IGF1R: variants seen among roughly 807,000 people sequenced by gnomAD.
The protein encoded by IGF1R is insulin-like growth factor 1 receptor.
In IGF1R, 44 loss-of-function variants were observed where a neutral mutation model predicts 144.6. The ratio of observed to expected loss-of-function variants is 0.30; its 90% CI spans 0.24 to 0.39. The LOEUF (loss-of-function observed/expected upper bound fraction) is 0.39, where lower values mean the gene tolerates loss of function less well. Ranked by LOEUF, IGF1R falls within the 10% of genes least tolerant of loss-of-function variation. The probability of loss-of-function intolerance (pLI) is 1.00; values close to 1 mark genes in which losing one functional copy is unlikely to be tolerated. For missense variants in IGF1R, 1,355 were observed against 1,833.7 expected, an observed-to-expected ratio of 0.74 and a Z score of 4.77; for synonymous variants, 795 against 722.8, an observed-to-expected ratio of 1.10 and a Z score of -1.60.
At chr15:98,739,218 C>T (rs1033281456) in intron 2 of IGF1R, among the ~76,000 whole-genome samples, 7 of 152,164 alleles carry the variant, frequency 4.6e-5, no homozygotes, top group Non-Finnish European at 8.8e-5. Flanking sequence ...GTGGTGGTGG[C>T]TGATCCTGAC....
intron 2 of IGF1R, among the ~76,000 whole-genome samples, chr15:98,798,548 G>T (rs149676864): frequency 0.015 from 2,308 of 152,300 alleles, 23 homozygotes; most frequent in Non-Finnish European, 0.023. Context: ...TGTTGCCCCA[G>T]TGTAGGGCAG....
chr15:98,799,364 GT>G (rs1422986398), intron 2 of IGF1R, among the ~76,000 whole-genome samples: 7 of 18,594 alleles, frequency 3.8e-4, no homozygotes, highest in African/African-American at 7.2e-4. Flanking sequence ...GCTGCAGTAA[GT>G]TTAAAAAAAA....
At chr15:98,655,636 A>G (rs890339632) in intron 1 of IGF1R, among the ~76,000 whole-genome samples, 3 of 150,586 alleles carry the variant, frequency 2.0e-5, no homozygotes, top group Non-Finnish European at 2.9e-5. Flanking sequence ...TGTTACTGCC[A>G]TGTTTATTAA....
intron 3 of IGF1R, chr15:98,893,414 A>G (rs940789204): frequency 1.3e-5 from 2 of 152,248 alleles, no homozygotes; most frequent in African/African-American, 2.4e-5. Context: ...GACTTCAATG[A>G]GCTGTAGAGG....
chr15:98,682,602 C>T (rs1321355226), intron 1 of IGF1R, among the ~76,000 whole-genome samples: 1 of 152,018 alleles, frequency 6.6e-6, no homozygotes, highest in East Asian at 1.9e-4. Flanking sequence ...GGCTGGAGTG[C>T]AGTGGCCTGA....
chr15:98,897,669 T>C (rs2014269489), intron 4 of IGF1R, among the ~76,000 whole-genome samples: 1 of 152,218 alleles, frequency 6.6e-6, no homozygotes, highest in Non-Finnish European at 1.5e-5. Context: ...CTGGAACTCC[T>C]AGTCTCAAAC....
intron 2 of IGF1R, among the ~76,000 whole-genome samples, chr15:98,727,732 G>C (rs1017032270): frequency 2.4e-4 from 37 of 152,286 alleles, no homozygotes; most frequent in African/African-American, 8.7e-4. Flanking sequence ...CTCTCGGCCT[G>C]CTTGTCCTCC....
intron 1 of IGF1R, among the ~76,000 whole-genome samples, chr15:98,684,392 G>A (rs2053269943): frequency 1.4e-5 from 2 of 144,134 alleles, no homozygotes; most frequent in Non-Finnish European, 3.0e-5. Flanking sequence ...TTTGTTTTAT[G>A]CTTGCTAATG....
intron 2 of IGF1R, among the ~76,000 whole-genome samples, chr15:98,853,396 G>A (rs2011623780): frequency 6.6e-6 from 1 of 152,298 alleles, no homozygotes; most frequent in Non-Finnish European, 1.5e-5. Context: ...GTGGCCCGGA[G>A]CAGCTCCAGT....
At chr15:98,899,997 C>A (rs774582856) in intron 5 of IGF1R, among the ~76,000 whole-genome samples, 5 of 152,162 alleles carry the variant, frequency 3.3e-5, no homozygotes, top group Non-Finnish European at 7.3e-5. Context: ...CCCTCATCTG[C>A]CTCAGGATGC....
At chr15:98,717,847 G>A (rs2054156418) in intron 2 of IGF1R, among the ~76,000 whole-genome samples, 1 of 152,154 alleles carries the variant, frequency 6.6e-6, no homozygotes, top group African/African-American at 2.4e-5. Context: ...ACAAAGATGT[G>A]CATTTTTATG....
At chr15:98,664,966 T>C (rs1401614756) in intron 1 of IGF1R, among the ~76,000 whole-genome samples, 1 of 151,032 alleles carries the variant, frequency 6.6e-6, no homozygotes, top group African/African-American at 2.4e-5. Context: ...TTCATTTTTT[T>C]TTTTTTTTTT....
intron 2 of IGF1R, among the ~76,000 whole-genome samples, chr15:98,727,663 A>C (rs899456541): frequency 6.6e-6 from 1 of 152,110 alleles, no homozygotes; most frequent in Non-Finnish European, 1.5e-5. Context: ...CATTATACCC[A>C]GGGGCTGGAG....
At chr15:98,769,221 A>T (rs1273286377) in intron 2 of IGF1R, among the ~76,000 whole-genome samples, 1 of 152,284 alleles carries the variant, frequency 6.6e-6, no homozygotes, top group East Asian at 1.9e-4. Flanking sequence ...ACATTTCTGT[A>T]CCTTTGTGGT....
intron 5 of IGF1R, among the ~76,000 whole-genome samples, chr15:98,904,184 C>T (rs749849537): frequency 9.9e-5 from 15 of 151,768 alleles, no homozygotes; most frequent in South Asian, 6.3e-4. Flanking sequence ...CCCGAGTAGC[C>T]GGGACTACAG....
Position 98,743,424 on chromosome 15 carries a change from G to A in IGF1R, c.640+35317G>A, listed in dbSNP as rs75580183. Among the ~76,000 whole-genome samples the A allele has an allele frequency of 5.3e-3, 812 of 152,278 alleles. 10 individuals carry two copies. Among genetic ancestry groups the A allele is most frequent in the African/African-American group, 0.019 (769 of 41,534 alleles). The stretch of plus-strand genomic sequence containing the variant: ...CCCACTAGGCACCCTGGAGTCATTT[G>A]TGTAGAGTGGCATCTCTATACAACT... On this transcript the variant is annotated intron_variant, in intron 2 of 20. Coordinates refer to ENST00000650285, the MANE Select transcript of IGF1R (RefSeq NM_000875.5).
intron 2 of IGF1R, among the ~76,000 whole-genome samples, chr15:98,785,637 G>A (rs1429666766): frequency 6.6e-6 from 1 of 152,164 alleles, no homozygotes; most frequent in African/African-American, 2.4e-5. Context: ...GGAATAAATG[G>A]AATGCCTTTG....
chr15:98,823,776 A>G (rs1490774077), intron 2 of IGF1R, among the ~76,000 whole-genome samples: 10 of 152,056 alleles, frequency 6.6e-5, no homozygotes, highest in Non-Finnish European at 1.5e-5. Context: ...TGCCACCCCC[A>G]TTTTCTGTTT....
At chr15:98,954,335 C>G (rs1042974698) in intron 20 of IGF1R, 9 of 151,936 alleles carry the variant, frequency 5.9e-5, no homozygotes, top group Admixed American at 1.3e-4. Flanking sequence ...GGGTATGTGT[C>G]CCCCAAAGGG....
Sources: gnomAD v4.1 joint callset for allele counts (sites outside exome capture counted in the v4.1 genomes callset) on GRCh38, gnomAD v4.1.1 for gene constraint, MANE v1.5 for transcripts, NCBI Gene and HGNC (gene_info 2026-07-23, HGNC 2026-07-21) for gene names.